Variants in DGKH observed in about 807,000 individuals in gnomAD.
DGKH encodes the protein diacylglycerol kinase eta.
A neutral mutation model predicts 159.3 loss-of-function variants in DGKH; 90 were observed. The ratio of observed to expected loss-of-function variants is 0.57; its 90% CI spans 0.48 to 0.67. DGKH has a LOEUF of 0.67. Ranked by LOEUF, DGKH falls within the 30% of genes least tolerant of loss-of-function variation. DGKH has a pLI of 0.00. For missense variants in DGKH, 1,181 were observed against 1,506.1 expected, an observed-to-expected ratio of 0.78 and a Z score of 3.57; for synonymous variants, 536 against 553.8, an observed-to-expected ratio of 0.97 and a Z score of 0.45.
chr13:42,114,547 G>A (rs1377800058), intron 1 of DGKH, among the ~76,000 whole-genome samples: 1 of 152,170 alleles, frequency 6.6e-6, no homozygotes, highest in Non-Finnish European at 1.5e-5. Context: ...AGACATATTA[G>A]TTTGGGGCTT....
At chr13:42,068,873 T>G (rs138037653) in intron 1 of DGKH, 13 of 839,480 alleles carry the variant, frequency 1.5e-5, no homozygotes, top group Non-Finnish European at 2.2e-5. Flanking sequence ...TAAACTCTAG[T>G]AATAAAAAAG....
chr13:42,113,602 A>G (rs529659713), intron 1 of DGKH, among the ~76,000 whole-genome samples: 8 of 152,268 alleles, frequency 5.3e-5, no homozygotes, highest in Admixed American at 1.3e-4. Flanking sequence ...AGTCAAAAGG[A>G]GCTGATGGGA....
intron 1 of DGKH, among the ~76,000 whole-genome samples, chr13:42,040,732 G>C (rs1211773020): frequency 1.3e-5 from 2 of 149,768 alleles, no homozygotes; most frequent in African/African-American, 2.4e-5. Context: ...GGGTGGGCCG[G>C]TGGCTGGCCC....
At chr13:42,225,223 A>G (rs1958092417) in intron 29 of DGKH, 1 of 1,511,890 alleles carries the variant, frequency 6.6e-7, no homozygotes, top group Non-Finnish European at 8.9e-7. Context: ...ATGCCCAGCC[A>G]GGAAAGTATT....
At chr13:42,098,495 A>T (rs936702592) in intron 1 of DGKH, among the ~76,000 whole-genome samples, 7 of 152,190 alleles carry the variant, frequency 4.6e-5, no homozygotes, top group South Asian at 4.1e-4. Flanking sequence ...TCAAAAAAAA[A>T]AAATAAATTA....
At chr13:42,249,881 C>G (rs573287652) in intron 29 of DGKH, among the ~76,000 whole-genome samples, 1 of 152,298 alleles carries the variant, frequency 6.6e-6, no homozygotes, top group South Asian at 2.1e-4. Flanking sequence ...ATTTGAATCA[C>G]TCTCCTTCAT....
chr13:42,091,875 A>G (rs1954425959), intron 1 of DGKH, among the ~76,000 whole-genome samples: 1 of 152,256 alleles, frequency 6.6e-6, no homozygotes, highest in Non-Finnish European at 1.5e-5. Flanking sequence ...ACAATGAGCT[A>G]TCATTTTACA....
At chr13:42,075,519 C>G (rs1009182577) in intron 1 of DGKH, among the ~76,000 whole-genome samples, 3 of 152,104 alleles carry the variant, frequency 2.0e-5, no homozygotes, top group African/African-American at 7.2e-5. Context: ...TTTTTCTTTC[C>G]TTAAATCTTT....
chr13:42,249,684 A>G (rs1402399670), intron 29 of DGKH, among the ~76,000 whole-genome samples: 4 of 152,200 alleles, frequency 2.6e-5, no homozygotes, highest in African/African-American at 9.7e-5. Flanking sequence ...AGATGTTGGC[A>G]CATCCCTACA....
intron 1 of DGKH, among the ~76,000 whole-genome samples, chr13:42,113,380 T>C (rs1469124911): frequency 1.3e-5 from 2 of 152,190 alleles, no homozygotes; most frequent in Admixed American, 6.6e-5. Flanking sequence ...TCTAAACCAA[T>C]TGAATCAAAG....
At chr13:42,176,944 C>T (rs544985109) in intron 12 of DGKH, among the ~76,000 whole-genome samples, 57 of 152,174 alleles carry the variant, frequency 3.7e-4, no homozygotes, top group African/African-American at 1.3e-3. Context: ...AAGTTTGAGT[C>T]AAATAGAAAA....
At chr13:42,223,312 T>G (rs1460698271) in intron 29 of DGKH, among the ~76,000 whole-genome samples, 1 of 152,154 alleles carries the variant, frequency 6.6e-6, no homozygotes, top group Non-Finnish European at 1.5e-5. Flanking sequence ...TGTGAATATG[T>G]CAGTGGCACA....
chr13:42,111,260 G>A (rs1427404783), intron 1 of DGKH, among the ~76,000 whole-genome samples: 1 of 152,152 alleles, frequency 6.6e-6, no homozygotes, highest in Non-Finnish European at 1.5e-5. Context: ...ATCACTAGAT[G>A]GTTTACTGAT....
At chr13:42,105,159 G>A (rs1954723774) in intron 1 of DGKH, among the ~76,000 whole-genome samples, 1 of 152,080 alleles carries the variant, frequency 6.6e-6, no homozygotes, top group African/African-American at 2.4e-5. Context: ...CAGTTCCAGA[G>A]GCTGGGAAGT....
intron 6 of DGKH, 93 bp from the exon 7 acceptor site, chr13:42,159,918 C>G: frequency 6.3e-7 from 1 of 1,577,708 alleles, no homozygotes; most frequent in Admixed American, 1.7e-5. Flanking sequence ...GTACTACTGA[C>G]CCTCTAGAGT....
At chr13:42,109,242 A>G (rs1436688283) in intron 1 of DGKH, among the ~76,000 whole-genome samples, 2 of 152,236 alleles carry the variant, frequency 1.3e-5, no homozygotes, top group Non-Finnish European at 2.9e-5. Flanking sequence ...ACCATTGCAG[A>G]TACTTTACAT....
rs1241699918 is a variant in DGKH, at chr13:42,194,952, T to C, written c.2103T>C (p.Pro701=). Residue 701 remains proline, a synonymous_variant, in exon 17 of 30, where the codon CCT becomes CCC. Coordinates refer to ENST00000337343, the MANE Select transcript of DGKH (RefSeq NM_178009.5). Reference sequence around the variant, plus strand: ...GCCATTCCCAAACTGATTCTGTCCCTGGTCCAGCTGTGGCAGCCAGCAAAG... The same window carrying C: ...GCCATTCCCAAACTGATTCTGTCCCCGGTCCAGCTGTGGCAGCCAGCAAAG... ...SYGHSQTDSV[P]GPAVAASKEN... The C allele has an allele frequency of 6.2e-7, 1 of 1,614,120 alleles. No individual in the cohort carries two copies. The highest frequency in any genetic ancestry group is 1.1e-5 in the South Asian group (1 of 91,078).
intron 1 of DGKH, among the ~76,000 whole-genome samples, chr13:42,087,102 A>T (rs1954322593): frequency 5.0e-5 from 7 of 140,380 alleles, no homozygotes; most frequent in African/African-American, 1.8e-4. Context: ...CAGAGTAGGC[A>T]CAACAATCCT....
At chr13:42,256,161 TCATGGGGAATCATGTTGCTGTAA>T in intron 30 of DGKH, 1 of 1,188,758 alleles carries the variant, frequency 8.4e-7, no homozygotes, top group Non-Finnish European at 1.3e-6. Context: ...GTAGCCCAAG[TCATGGGGAATCATGTTGCTGTAA>T]CAGTTGGAGG....
Sources: gnomAD v4.1 joint callset for allele counts (sites outside exome capture counted in the v4.1 genomes callset) on GRCh38, gnomAD v4.1.1 for gene constraint, MANE v1.5 for transcripts, NCBI Gene and HGNC (gene_info 2026-07-23, HGNC 2026-07-21) for gene names.